MS4A4E: variants seen among roughly 807,000 people sequenced by gnomAD.
The protein encoded by MS4A4E is putative membrane-spanning 4-domains subfamily A member 4E.
In MS4A4E, 23 loss-of-function variants were observed where a neutral mutation model predicts 13.3. That is an observed-to-expected ratio of 1.73 (90% confidence interval 1.25 to 2.45). The LOEUF (loss-of-function observed/expected upper bound fraction) is 2.45. Ranked by LOEUF, MS4A4E falls within the 30% of genes most tolerant of loss-of-function variation. The pLI is 0.00. For missense variants in MS4A4E, 144 were observed against 131.2 expected (o/e 1.10, Z -0.48); for synonymous variants, 36 against 45.6 (o/e 0.79, Z 0.85).
intron 3 of MS4A4E, among the ~76,000 whole-genome samples, chr11:60,218,957 A>G (rs1236796796): frequency 6.6e-6 from 1 of 152,168 alleles, no homozygotes; most frequent in Non-Finnish European, 1.5e-5. Context: ...TTGCAGAGTT[A>G]AAAAAGTTCT....
rs915661280 is a variant in MS4A4E, at chr11:60,201,693, C to T, written c.846G>A (p.Val282=). The T allele has an allele frequency of 3.9e-6, 1 of 256,766 alleles. No individual in the cohort carries two copies. The highest frequency in any genetic ancestry group is 3.1e-5 in the South Asian group (1 of 31,994). 15.9% of individuals were successfully genotyped at this position (256,766 alleles called of 1,614,324 possible). The change falls in exon 9 of 9, where the codon GTG becomes GTA. Residue 282 remains valine (V), a synonymous_variant. Transcript: ENST00000651255. ...TGGGCAGCCAGGCAGAGGGGCTCCTCACGTCCCAGACGATAGGCGGCCAGG... is the reference window on the plus strand; with the variant it reads ...TGGGCAGCCAGGCAGAGGGGCTCCTTACGTCCCAGACGATAGGCGGCCAGG... ...VSAWPPIVWD[V]RSPSAWLPSL...
intron 3 of MS4A4E, among the ~76,000 whole-genome samples, chr11:60,218,102 G>C: frequency 6.6e-6 from 1 of 152,166 alleles, no homozygotes; most frequent in East Asian, 1.9e-4. Context: ...TGGCCCCCCA[G>C]ATGTGCCGGT....
intron 3 of MS4A4E, among the ~76,000 whole-genome samples, chr11:60,218,377 A>T (rs2084224092): frequency 6.6e-6 from 1 of 152,058 alleles, no homozygotes; most frequent in Admixed American, 6.6e-5. Flanking sequence ...ACAGTACTTG[A>T]TGTCTGTGAC....
At chr11:60,231,703 C>T (rs930782265) in intron 1 of MS4A4E, among the ~76,000 whole-genome samples, 1 of 152,030 alleles carries the variant, frequency 6.6e-6, no homozygotes, top group Non-Finnish European at 1.5e-5. Flanking sequence ...TCAGCTGATA[C>T]CTATCACTTC....
At chr11:60,232,474 C>A (rs1004488798) in intron 1 of MS4A4E, among the ~76,000 whole-genome samples, 1 of 152,162 alleles carries the variant, frequency 6.6e-6, no homozygotes, top group Non-Finnish European at 1.5e-5. Context: ...TCACCCCTTC[C>A]CCCAGTTAGA....
At chr11:60,230,417 C>T (rs2084393994) in intron 1 of MS4A4E, among the ~76,000 whole-genome samples, 1 of 152,174 alleles carries the variant, frequency 6.6e-6, no homozygotes, top group Admixed American at 6.5e-5. Context: ...ACAGCCACTT[C>T]CCCATGAAGG....
chr11:60,220,306 G>A (rs2134944129), intron 3 of MS4A4E, among the ~76,000 whole-genome samples: 1 of 152,330 alleles, frequency 6.6e-6, no homozygotes, highest in East Asian at 1.9e-4. Context: ...TGTACCAGAT[G>A]TGGTTTCATT....
At chr11:60,234,796 C>T (rs1029689715) in intron 1 of MS4A4E, among the ~76,000 whole-genome samples, 1 of 113,936 alleles carries the variant, frequency 8.8e-6, no homozygotes, top group Non-Finnish European at 1.8e-5. Context: ...CCCAAAATAA[C>T]AAAATGGCAC....
At chr11:60,241,180 C>T (rs1043732423) in intron 1 of MS4A4E, among the ~76,000 whole-genome samples, 4 of 152,154 alleles carry the variant, frequency 2.6e-5, no homozygotes, top group East Asian at 1.9e-4. Context: ...CCTGCCACCA[C>T]GCCTGGCTAA....
rs1271237322 is a variant in MS4A4E at position 60,200,818 on chromosome 11, A to G, written c.*725T>C. Among the ~76,000 whole-genome samples, 2 of 152,312 alleles carry G rather than the reference A, an allele frequency of 1.3e-5. No individual in the cohort carries two copies. Among genetic ancestry groups the G allele is most frequent in the Non-Finnish European group, 2.9e-5 (2 of 68,022 alleles). On this transcript the variant is annotated 3_prime_UTR_variant, in exon 9 of 9. Coordinates refer to ENST00000651255, the MANE Select transcript of MS4A4E (RefSeq NM_001393391.1). ...ATGAGCTATTGGGTACACTTCCCAG[A>G]TGGGGTGGTGGCCGGGCAGAGGGGC...
intron 3 of MS4A4E, among the ~76,000 whole-genome samples, chr11:60,224,371 C>T (rs1460586006): frequency 6.6e-6 from 1 of 152,180 alleles, no homozygotes; most frequent in African/African-American, 2.4e-5. Flanking sequence ...ATATTAGAAA[C>T]TGCCTGTTTA....
At chr11:60,222,011 C>T (rs1451763659) in intron 3 of MS4A4E, among the ~76,000 whole-genome samples, 1 of 152,160 alleles carries the variant, frequency 6.6e-6, no homozygotes, top group Non-Finnish European at 1.5e-5. Context: ...GCAACATGGA[C>T]TTCCATTCAC....
At chr11:60,209,610 C>A (rs1321941121) in intron 5 of MS4A4E, among the ~76,000 whole-genome samples, 1 of 152,202 alleles carries the variant, frequency 6.6e-6, no homozygotes. Context: ...GCTAATACAA[C>A]AATGAACATC....
At chr11:60,224,843 G>A (rs2084319718) in intron 3 of MS4A4E, 2 of 814,786 alleles carry the variant, frequency 2.5e-6, no homozygotes, top group Non-Finnish European at 3.4e-6. Flanking sequence ...AGTTTAAAAA[G>A]GTTAGATACC....
chr11:60,213,656 C>G (rs746302347), intron 4 of MS4A4E, among the ~76,000 whole-genome samples: 4 of 152,072 alleles, frequency 2.6e-5, no homozygotes, highest in Non-Finnish European at 5.9e-5. Context: ...TTGGGTTAGG[C>G]CAGATTTGGA....
intron 4 of MS4A4E, among the ~76,000 whole-genome samples, 184 bp downstream of exon 4, chr11:60,214,387 A>G (rs2084163509): frequency 1.3e-5 from 2 of 152,120 alleles, no homozygotes; most frequent in Non-Finnish European, 2.9e-5. Flanking sequence ...CAAAATATCC[A>G]TTATTATGTC....
intron 1 of MS4A4E, among the ~76,000 whole-genome samples, chr11:60,231,097 T>C (rs1166000201): frequency 6.6e-6 from 1 of 152,176 alleles, no homozygotes; most frequent in African/African-American, 2.4e-5. Context: ...AAATACATTA[T>C]TAGCTATCTA....
rs534660864 is a variant in MS4A4E, at chr11:60,222,434, G to A, written c.178+6160C>T. ...AGCTGGATTGATAGAATGGTGGAAT[G>A]TCCTTTTGAAGTCACAATTACAACA... On this transcript the variant is annotated intron_variant, in intron 3 of 8. Coordinates refer to ENST00000651255, the MANE Select transcript of MS4A4E (RefSeq NM_001393391.1). 4.6e-5 allele frequency among the ~76,000 whole-genome samples: 7 copies of A among 152,320 alleles called. No homozygotes were observed. In the East Asian group the frequency reaches 1.2e-3, roughly 25 times the overall value.
At chr11:60,219,593 C>T (rs747879571) in intron 3 of MS4A4E, among the ~76,000 whole-genome samples, 15 of 152,134 alleles carry the variant, frequency 9.9e-5, no homozygotes, top group Non-Finnish European at 1.8e-4. Context: ...CAGACATATG[C>T]CATTTTACAG....
Sources: gnomAD v4.1 joint callset for allele counts (sites outside exome capture counted in the v4.1 genomes callset) on GRCh38, gnomAD v4.1.1 for gene constraint, MANE v1.5 for transcripts, NCBI Gene and HGNC (gene_info 2026-07-23, HGNC 2026-07-21) for gene names.